Variants in GRID1 observed in about 807,000 individuals in gnomAD.
GRID1 encodes glutamate ionotropic receptor delta type subunit 1.
GRID1 carries 28 observed loss-of-function variants against 98.0 expected under a neutral mutation model. The ratio of observed to expected loss-of-function variants is 0.29; its 90% CI spans 0.21 to 0.39. The LOEUF is 0.39. Among genes scored for constraint, GRID1 ranks in the 10% least tolerant of loss-of-function variants. The pLI, the probability that GRID1 is intolerant of heterozygous loss-of-function variation, is 1.00. For missense variants in GRID1, 1,111 were observed against 1,340.5 expected, an observed-to-expected ratio of 0.83 and a Z score of 2.67; for synonymous variants, 553 against 538.5, an observed-to-expected ratio of 1.03 and a Z score of -0.37.
At chr10:86,110,739 T>C (rs753800289) in intron 4 of GRID1, among the ~76,000 whole-genome samples, 1 of 152,198 alleles carries the variant, frequency 6.6e-6, no homozygotes, top group East Asian at 1.9e-4. Context: ...GTTAATCAGA[T>C]GAGGTGGGCA....
At chr10:86,231,257 A>G (rs1156379294) in intron 2 of GRID1, among the ~76,000 whole-genome samples, 1 of 152,140 alleles carries the variant, frequency 6.6e-6, no homozygotes, top group Non-Finnish European at 1.5e-5. Flanking sequence ...ATCTGAAGAT[A>G]GTGTCTCCCA....
At chr10:85,886,347 G>T (rs1841118157) in intron 5 of GRID1, among the ~76,000 whole-genome samples, 2 of 152,118 alleles carry the variant, frequency 1.3e-5, no homozygotes, top group Non-Finnish European at 2.9e-5. Flanking sequence ...GAAATCTTAT[G>T]AATTGTCTCT....
intron 12 of GRID1, among the ~76,000 whole-genome samples, chr10:85,667,984 G>A (rs1841042351): frequency 6.6e-6 from 1 of 152,224 alleles, no homozygotes; most frequent in African/African-American, 2.4e-5. Flanking sequence ...CAGCCATGCA[G>A]AATCACATAC....
At position 86,172,458 on chromosome 10, in the gene GRID1, C is replaced by T. The variant is rs561276688; in HGVS notation, c.521-33434G>A. Among the ~76,000 whole-genome samples the T allele has an allele frequency of 1.4e-4, 22 of 152,320 alleles. No individual in the cohort carries two copies. The Middle Eastern group carries it at 0.01, about 71-fold the overall frequency. On this transcript the variant is annotated intron_variant, in intron 3 of 15. Transcript: ENST00000327946. Reference sequence around the variant, plus strand: ...GTTACTGCCCCAGGTCAGAGGATTACTGAGTGCAATGCTAGGCAGTCTGCC... The same window carrying T: ...GTTACTGCCCCAGGTCAGAGGATTATTGAGTGCAATGCTAGGCAGTCTGCC...
intron 12 of GRID1, among the ~76,000 whole-genome samples, chr10:85,669,730 C>T (rs1049660241): frequency 1.3e-5 from 2 of 152,176 alleles, no homozygotes; most frequent in East Asian, 3.9e-4. Flanking sequence ...TCCTGAGGCC[C>T]CCTTCTGTGT....
intron 4 of GRID1, among the ~76,000 whole-genome samples, chr10:86,081,057 G>A (rs4934149): frequency 0.7 from 106,993 of 152,030 alleles, 38,148 homozygotes; most frequent in East Asian, 0.88. Context: ...ATCACTGCCA[G>A]CATCTGCTGC....
chr10:85,889,057 TG>T (rs1476234606), intron 5 of GRID1, among the ~76,000 whole-genome samples: 1 of 152,230 alleles, frequency 6.6e-6, no homozygotes, highest in Non-Finnish European at 1.5e-5. Flanking sequence ...TGTAAACTTC[TG>T]CAGGTCTACT....
intron 12 of GRID1, among the ~76,000 whole-genome samples, chr10:85,722,610 T>C (rs955702516): frequency 6.6e-6 from 1 of 152,108 alleles, no homozygotes; most frequent in East Asian, 1.9e-4. Flanking sequence ...TTGAAAAAAA[T>C]TATTTTAAGG....
At chr10:85,859,191 A>G (rs1288264184) in intron 6 of GRID1, among the ~76,000 whole-genome samples, 4 of 152,238 alleles carry the variant, frequency 2.6e-5, no homozygotes, top group Non-Finnish European at 5.9e-5. Flanking sequence ...TTTAAGTACT[A>G]TCTCTAGAAC....
intron 12 of GRID1, among the ~76,000 whole-genome samples, chr10:85,649,498 T>C (rs993134090): frequency 3.9e-5 from 6 of 152,086 alleles, no homozygotes; most frequent in South Asian, 2.1e-4. Flanking sequence ...TTTTTTTTTT[T>C]CCACATTTTT....
chr10:85,620,108 A>G, intron 13 of GRID1, 75 bp from the exon 14 acceptor site: 1 of 1,295,958 alleles, frequency 7.7e-7, no homozygotes, highest in Non-Finnish European at 1.1e-6. Context: ...AGCCATCTTG[A>G]TGGTGGGATT....
At chr10:85,713,501 AC>A (rs1240100983) in intron 12 of GRID1, among the ~76,000 whole-genome samples, 1 of 151,764 alleles carries the variant, frequency 6.6e-6, no homozygotes, top group Admixed American at 6.6e-5. Context: ...TTACAAGACC[AC>A]CATTACACCT....
intron 2 of GRID1, among the ~76,000 whole-genome samples, chr10:86,208,836 C>T (rs1047360938): frequency 1.2e-4 from 19 of 152,202 alleles, no homozygotes; most frequent in African/African-American, 4.6e-4. Context: ...TGGCCCCAGT[C>T]AATAATTCCT....
chr10:85,865,955 G>GA (rs1843215127), intron 6 of GRID1, among the ~76,000 whole-genome samples: 1 of 84,698 alleles, frequency 1.2e-5, no homozygotes, highest in Non-Finnish European at 2.2e-5. Flanking sequence ...ACATATATAT[G>GA]GAGAGAGAGA....
At chr10:86,080,485 A>AGGGAAGGGAAGGGAAGGGAG (rs1248616294) in intron 4 of GRID1, among the ~76,000 whole-genome samples, 1 of 121,826 alleles carries the variant, frequency 8.2e-6, no homozygotes, top group African/African-American at 3.3e-5. Context: ...AGGGAAGGGA[A>AGGGAAGGGAAGGGAAGGGAG]AAGGGAAAAG....
chr10:86,012,691 T>G lies in GRID1; in HGVS notation c.727-96452A>C, dbSNP rs149634151. 7.7e-3 allele frequency among the ~76,000 whole-genome samples: 1,167 copies of G among 152,132 alleles called. 16 individuals carry two copies. Among genetic ancestry groups the G allele is most frequent in the African/African-American group, 0.027 (1,118 of 41,490 alleles). ...GGATCATGAAGTGCTAGAATAGGACTGGGGCTCTTTTAAAAGAGGCTCCTG... is the reference window on the plus strand; with the variant it reads ...GGATCATGAAGTGCTAGAATAGGACGGGGGCTCTTTTAAAAGAGGCTCCTG... On this transcript the variant is annotated intron_variant, in intron 4 of 15. Transcript: ENST00000327946.
chr10:86,062,387 C>T (rs1157490156), intron 4 of GRID1, among the ~76,000 whole-genome samples: 1 of 152,106 alleles, frequency 6.6e-6, no homozygotes, highest in Non-Finnish European at 1.5e-5. Context: ...ACCCGGAGCT[C>T]GGTCTGACAT....
intron 12 of GRID1, among the ~76,000 whole-genome samples, chr10:85,662,135 A>C (rs1840971546): frequency 6.6e-6 from 1 of 152,176 alleles, no homozygotes; most frequent in African/African-American, 2.4e-5. Flanking sequence ...AAATCCCAAG[A>C]GTCACTCAGC....
intron 4 of GRID1, among the ~76,000 whole-genome samples, chr10:86,056,350 G>A (rs1043932273): frequency 6.6e-6 from 1 of 152,194 alleles, no homozygotes; most frequent in Non-Finnish European, 1.5e-5. Context: ...TTGCAACAAA[G>A]ATCTCCCAAG....
Sources: allele counts gnomAD v4.1 joint callset (sites outside exome capture counted in the v4.1 genomes callset), GRCh38; gene constraint gnomAD v4.1.1; transcripts MANE v1.5; gene names NCBI Gene and HGNC (gene_info 2026-07-23, HGNC 2026-07-21).